Variants in FTCDNL1 observed in about 807,000 individuals in gnomAD.
FTCDNL1 encodes the protein formiminotransferase N-terminal subdomain-containing protein.
In FTCDNL1, 11 loss-of-function variants were observed where a neutral mutation model predicts 5.9. The observed-to-expected ratio is 1.87, with a 90% CI of 1.18 to 3.10. FTCDNL1 has a LOEUF of 3.10. Ranked by LOEUF, FTCDNL1 falls within the 30% of genes most tolerant of loss-of-function variation. The probability of loss-of-function intolerance (pLI) is 0.00; values close to 1 mark genes in which losing one functional copy is unlikely to be tolerated. For synonymous variants in FTCDNL1, 58 were observed against 24.8 expected (o/e 2.34, Z -3.99); for missense variants, 115 against 65.5 (o/e 1.76, Z -2.61).
intron 1 of FTCDNL1, among the ~76,000 whole-genome samples, 167 bp downstream of exon 1, chr2:199,850,573 C>T (rs2076849944): frequency 6.6e-6 from 1 of 152,224 alleles, no homozygotes; most frequent in Admixed American, 6.5e-5. Context: ...GCAAGCCCCC[C>T]AAAACACTCT....
At chr2:199,839,787 T>C (rs1030880636) in intron 3 of FTCDNL1, among the ~76,000 whole-genome samples, 1 of 152,204 alleles carries the variant, frequency 6.6e-6, no homozygotes, top group Non-Finnish European at 1.5e-5. Flanking sequence ...ACACAACATC[T>C]TTAAATTAAA....
chr2:199,847,216 A>G (rs2076754804), intron 2 of FTCDNL1, among the ~76,000 whole-genome samples: 1 of 152,180 alleles, frequency 6.6e-6, no homozygotes, highest in Admixed American at 6.5e-5. Flanking sequence ...TTAATTAGAA[A>G]AAAAAAATAC....
intron 3 of FTCDNL1, among the ~76,000 whole-genome samples, chr2:199,824,020 G>A (rs1701862941): frequency 6.6e-6 from 1 of 152,008 alleles, no homozygotes; most frequent in Non-Finnish European, 1.5e-5. Context: ...TCACTATATT[G>A]CCCAGGCTGG....
At chr2:199,830,659 C>T (rs765803747) in intron 3 of FTCDNL1, among the ~76,000 whole-genome samples, 4 of 152,060 alleles carry the variant, frequency 2.6e-5, no homozygotes, top group Non-Finnish European at 5.9e-5. Flanking sequence ...AGAGTTAAAG[C>T]GCGGGGCCCT....
At chr2:199,782,506 C>T (rs1242499544) in intron 3 of FTCDNL1, among the ~76,000 whole-genome samples, 2 of 152,198 alleles carry the variant, frequency 1.3e-5, no homozygotes, top group Non-Finnish European at 2.9e-5. Flanking sequence ...CATAGCTTCT[C>T]TACTGGGAAG....
intron 3 of FTCDNL1, among the ~76,000 whole-genome samples, chr2:199,820,641 A>G (rs1701625870): frequency 6.6e-6 from 1 of 152,188 alleles, no homozygotes; most frequent in Non-Finnish European, 1.5e-5. Flanking sequence ...ATATTTAAAC[A>G]CAATTGGAGA....
At chr2:199,664,714 A>G in the FTCDNL1 span, among the ~76,000 whole-genome samples, 1 of 152,264 alleles carries the variant, frequency 6.6e-6, no homozygotes, top group Non-Finnish European at 1.5e-5. Flanking sequence ...CAAAAATCAC[A>G]AAACTAATTA....
chr2:199,686,068 T>G, the FTCDNL1 span, among the ~76,000 whole-genome samples: 1 of 152,214 alleles, frequency 6.6e-6, no homozygotes, highest in African/African-American at 2.4e-5. Context: ...CATGGAGGAA[T>G]AGCTGGGAAA....
At chr2:199,828,307 C>A (rs984101670) in intron 3 of FTCDNL1, among the ~76,000 whole-genome samples, 2 of 152,202 alleles carry the variant, frequency 1.3e-5, no homozygotes, top group Non-Finnish European at 2.9e-5. Flanking sequence ...CCTGTAACTT[C>A]AAATGTCCAC....
rs199974134 is a variant in FTCDNL1, at chr2:199,825,354, A to G, written c.212-5597T>C. Among the ~76,000 whole-genome samples the G allele has an allele frequency of 3.3e-5, 5 of 152,166 alleles. 1 individual carries two copies. The East Asian group carries it at 9.6e-4, about 29-fold the overall frequency. ...ACAATGAGCAAGGTAAGCCGTACTA[A>G]AAGGCCACAGCTCCTGGAATGGGGC... On this transcript the variant is annotated intron_variant, in intron 3 of 4. Coordinates refer to ENST00000420128, the MANE Select transcript of FTCDNL1 (RefSeq NM_001363886.2).
chr2:199,835,236 T>C (rs1425913401), intron 3 of FTCDNL1, among the ~76,000 whole-genome samples: 1 of 152,070 alleles, frequency 6.6e-6, no homozygotes, highest in African/African-American at 2.4e-5. Context: ...ACTATAACAA[T>C]CCTATAATCC....
At chr2:199,831,871 C>T (rs1702394153) in intron 3 of FTCDNL1, among the ~76,000 whole-genome samples, 1 of 152,094 alleles carries the variant, frequency 6.6e-6, no homozygotes, top group Non-Finnish European at 1.5e-5. Flanking sequence ...GAAAAAACTA[C>T]AAGTGAGTTT....
At chr2:199,760,462 G>A, downstream of FTCDNL1, 1 of 226,098 alleles carries the variant, frequency 4.4e-6, no homozygotes, top group Non-Finnish European at 8.9e-6. Flanking sequence ...CTTCCGGAGT[G>A]TAAACCAAAC....
chr2:199,832,812 G>A (rs1490475925), intron 3 of FTCDNL1, among the ~76,000 whole-genome samples: 1 of 152,008 alleles, frequency 6.6e-6, no homozygotes, highest in Non-Finnish European at 1.5e-5. Flanking sequence ...CACAGTCATC[G>A]ATTATCATAA....
chr2:199,765,837 C>G (rs1698510476), intron 3 of FTCDNL1, among the ~76,000 whole-genome samples: 1 of 151,916 alleles, frequency 6.6e-6, no homozygotes, highest in African/African-American at 2.4e-5. Context: ...GCCACTGTGT[C>G]TGGCCTTCAT....
chr2:199,750,302 G>A, the FTCDNL1 span, among the ~76,000 whole-genome samples: 1 of 151,922 alleles, frequency 6.6e-6, no homozygotes, highest in African/African-American at 2.4e-5. Flanking sequence ...AGGGTGCAAT[G>A]AGCTATTATC....
the FTCDNL1 span, among the ~76,000 whole-genome samples, chr2:199,705,091 C>G: frequency 6.6e-6 from 1 of 152,024 alleles, no homozygotes; most frequent in Admixed American, 6.6e-5. Context: ...GAAGGTCACA[C>G]AAGGGAGATG....
At chr2:199,827,978 A>C (rs1308561934) in intron 3 of FTCDNL1, among the ~76,000 whole-genome samples, 1 of 152,202 alleles carries the variant, frequency 6.6e-6, no homozygotes, top group East Asian at 1.9e-4. Flanking sequence ...GAAATATTAC[A>C]TTATTCTCGT....
the FTCDNL1 span, among the ~76,000 whole-genome samples, chr2:199,679,508 G>T: frequency 2.0e-5 from 3 of 151,920 alleles, no homozygotes; most frequent in Non-Finnish European, 4.4e-5. Context: ...CTAGCATTTT[G>T]CTTTTTTCCT....
Sources: gnomAD v4.1 joint callset for allele counts (sites outside exome capture counted in the v4.1 genomes callset) on GRCh38, gnomAD v4.1.1 for gene constraint, MANE v1.5 for transcripts, NCBI Gene and HGNC (gene_info 2026-07-23, HGNC 2026-07-21) for gene names.